Variants in DLG5 observed in about 807,000 individuals in gnomAD.
DLG5 encodes disks large homolog 5.
A neutral mutation model predicts 189.8 loss-of-function variants in DLG5; 48 were observed. The ratio of observed to expected loss-of-function variants is 0.25; its 90% CI spans 0.20 to 0.32. The LOEUF (loss-of-function observed/expected upper bound fraction) is 0.32, where lower values mean the gene tolerates loss of function less well. Ranked by LOEUF, DLG5 falls within the 10% of genes least tolerant of loss-of-function variation. The probability of loss-of-function intolerance (pLI) is 1.00; values close to 1 mark genes in which losing one functional copy is unlikely to be tolerated. For missense variants in DLG5, 2,160 were observed against 2,544.7 expected (o/e 0.85, Z 3.25); for synonymous variants, 1,016 against 1,054.1 (o/e 0.96, Z 0.70).
At chr10:77,810,925 T>C (rs1460297368) in intron 23 of DLG5, among the ~76,000 whole-genome samples, 169 bp downstream of exon 23, 6 of 148,866 alleles carry the variant, frequency 4.0e-5, no homozygotes, top group Admixed American at 3.3e-4. Context: ...AAAGAGAGAG[T>C]AGGGAAGGAA....
chr10:77,797,544 G>A (rs1840984852), intron 27 of DLG5, among the ~76,000 whole-genome samples: 1 of 152,222 alleles, frequency 6.6e-6, no homozygotes. Flanking sequence ...GGATGACAGG[G>A]TGAAAAGACC....
intron 5 of DLG5, 57 bp from the exon 6 acceptor site, chr10:77,843,763 T>C: frequency 6.2e-7 from 1 of 1,605,122 alleles, no homozygotes; most frequent in East Asian, 2.2e-5. Context: ...GGAGGAGACC[T>C]CCCACTCTCA....
At chr10:77,863,185 G>A (rs1283233232) in intron 2 of DLG5, among the ~76,000 whole-genome samples, 1 of 152,032 alleles carries the variant, frequency 6.6e-6, no homozygotes, top group African/African-American at 2.4e-5. Flanking sequence ...TCCACCTCCT[G>A]GGCTCAAGCA....
intron 1 of DLG5, among the ~76,000 whole-genome samples, chr10:77,896,729 G>C (rs185022235): frequency 1.7e-4 from 26 of 151,968 alleles, no homozygotes; most frequent in South Asian, 1.0e-3. Flanking sequence ...TGAGGCAGGA[G>C]AATCGCTTGA....
intron 1 of DLG5, among the ~76,000 whole-genome samples, chr10:77,922,339 G>C (rs756671156): frequency 2.0e-5 from 3 of 152,118 alleles, no homozygotes; most frequent in Non-Finnish European, 4.4e-5. Context: ...AAAAAACAAA[G>C]GACTGCATGG....
intron 2 of DLG5, among the ~76,000 whole-genome samples, chr10:77,862,335 G>A (rs1844504071): frequency 6.6e-6 from 1 of 152,282 alleles, no homozygotes; most frequent in South Asian, 2.1e-4. Flanking sequence ...AGGGCCACAG[G>A]GAACAACTGG....
intron 7 of DLG5, among the ~76,000 whole-genome samples, chr10:77,837,965 G>A (rs1407693026): frequency 6.6e-6 from 1 of 152,224 alleles, no homozygotes; most frequent in African/African-American, 2.4e-5. Flanking sequence ...AGTCCCAGGG[G>A]AGGATGGGGC....
intron 5 of DLG5, among the ~76,000 whole-genome samples, chr10:77,848,749 T>C (rs1356319462): frequency 6.6e-6 from 1 of 151,702 alleles, no homozygotes; most frequent in Non-Finnish European, 1.5e-5. Context: ...AATTAAACTA[T>C]ATGGGTATTA....
intron 1 of DLG5, among the ~76,000 whole-genome samples, chr10:77,896,144 CA>C (rs5786310): frequency 4.8e-5 from 7 of 146,674 alleles, no homozygotes; most frequent in East Asian, 2.0e-4. Context: ...GACTGTGTCT[CA>C]AAAAAAAAAA....
chr10:77,831,047 T>C (rs1383723062), intron 9 of DLG5, among the ~76,000 whole-genome samples, 174 bp from the exon 10 acceptor site: 1 of 152,196 alleles, frequency 6.6e-6, no homozygotes, highest in South Asian at 2.1e-4. Flanking sequence ...CTGTGAGTTT[T>C]CACAGTGGTT....
At position 77,819,309 on chromosome 10, in the gene DLG5, G is replaced by A; in HGVS notation, c.3671+12C>T. 6.2e-7 allele frequency: 1 copy of A among 1,613,766 alleles called. No individual in the cohort carries two copies. The highest frequency in any genetic ancestry group is 8.5e-7 in the Non-Finnish European group (1 of 1,179,950). Reference sequence around the variant, plus strand: ...GCTGGAGTACAGAGAAGCGTAGGGTGCCTTCACATACCTGGGATGCAAACC... The same window carrying A: ...GCTGGAGTACAGAGAAGCGTAGGGTACCTTCACATACCTGGGATGCAAACC... On this transcript the variant is annotated intron_variant, in intron 17 of 31. Coordinates refer to ENST00000372391, the MANE Select transcript of DLG5 (RefSeq NM_004747.4).
chr10:77,795,954 C>T, intron 29 of DLG5, 107 bp downstream of exon 29: 1 of 1,523,700 alleles, frequency 6.6e-7, no homozygotes, highest in Non-Finnish European at 9.0e-7. Flanking sequence ...GGTGGGCTCA[C>T]TGAAGGTCTG....
At position 77,814,464 on chromosome 10, in the gene DLG5, TATATATATATATATATA is replaced by T. The variant is rs1841943761; in HGVS notation, c.4025+2070_4025+2086del. Among the ~76,000 whole-genome samples the T allele has an allele frequency of 1.3e-4, 4 of 30,088 alleles. No individual in the cohort carries two copies. The South Asian group carries it at 4.3e-3, about 33-fold the overall frequency. 19.7% of individuals were successfully genotyped at this position (30,088 alleles called of 152,430 possible). ...GTACATAAATAATAAAGCATGTTTA[TATATATATATATATATA>T]TATATATATATATATATATATATAT... On this transcript the variant is annotated intron_variant, in intron 20 of 31. Coordinates refer to ENST00000372391, the MANE Select transcript of DLG5 (RefSeq NM_004747.4).
At chr10:77,861,417 G>A (rs1304228419) in intron 2 of DLG5, among the ~76,000 whole-genome samples, 3 of 152,136 alleles carry the variant, frequency 2.0e-5, no homozygotes, top group Admixed American at 1.3e-4. Context: ...TTGTATAAAC[G>A]AGGCAACATA....
chr10:77,809,040 G>C lies in DLG5; in HGVS notation c.4647+507C>G, dbSNP rs527241075. On this transcript the variant is annotated intron_variant, in intron 24 of 31. Coordinates refer to ENST00000372391, the MANE Select transcript of DLG5 (RefSeq NM_004747.4). ...CTTGAACCTGGGAGGCGGAGGTTGT[G>C]GTGAGTTGAGATTGCACCACTGCAC... Among the ~76,000 whole-genome samples, 4 of 148,854 alleles carry C rather than the reference G, an allele frequency of 2.7e-5. No individual in the cohort carries two copies. In the East Asian group the frequency reaches 8.0e-4, roughly 30 times the overall value.
intron 25 of DLG5, 39 bp from the exon 26 acceptor site, chr10:77,806,967 T>G: frequency 6.3e-7 from 1 of 1,588,858 alleles, no homozygotes; most frequent in Non-Finnish European, 8.6e-7. Context: ...CAGGCGGCTC[T>G]GGCCACCAAG....
At chr10:77,806,718 A>AGGGC in intron 26 of DLG5, 40 bp downstream of exon 26, 7 of 1,333,644 alleles carry the variant, frequency 5.2e-6, no homozygotes, top group Non-Finnish European at 7.5e-6. Context: ...GCCCTCGGCG[A>AGGGC]CCCCTGCCCC....
At chr10:77,922,153 CCT>C (rs1449569512) in intron 1 of DLG5, among the ~76,000 whole-genome samples, 1 of 152,162 alleles carries the variant, frequency 6.6e-6, no homozygotes, top group East Asian at 1.9e-4. Context: ...CACCCCGGCC[CCT>C]GTCTACACCC....
intron 24 of DLG5, among the ~76,000 whole-genome samples, 195 bp downstream of exon 24, chr10:77,809,352 G>A (rs866481436): frequency 3.9e-5 from 6 of 152,222 alleles, no homozygotes; most frequent in Admixed American, 1.3e-4. Context: ...GTTGCAGTGA[G>A]CTGAGATTGT....
Sources: allele counts gnomAD v4.1 joint callset (sites outside exome capture counted in the v4.1 genomes callset), GRCh38; gene constraint gnomAD v4.1.1; transcripts MANE v1.5; gene names NCBI Gene and HGNC (gene_info 2026-07-23, HGNC 2026-07-21).